The following LDLRAD3 variants were observed in gnomAD, a reference collection of about 807,000 sequenced individuals.
The protein encoded by LDLRAD3 is low-density lipoprotein receptor class A domain-containing protein 3.
A neutral mutation model predicts 29.4 loss-of-function variants in LDLRAD3; 20 were observed. The observed-to-expected ratio is 0.68, with a 90% CI of 0.48 to 0.99. The LOEUF (loss-of-function observed/expected upper bound fraction) is 0.99. Among genes scored for constraint, LDLRAD3 ranks in the 50% least tolerant of loss-of-function variants. The pLI, the probability that LDLRAD3 is intolerant of heterozygous loss-of-function variation, is 0.00. For missense variants in LDLRAD3, 420 were observed against 454.3 expected, an observed-to-expected ratio of 0.92 and a Z score of 0.69; for synonymous variants, 157 against 192.7, an observed-to-expected ratio of 0.81 and a Z score of 1.53.
chr11:36,016,482 T>C (rs1284008671), intron 1 of LDLRAD3, among the ~76,000 whole-genome samples: 2 of 150,834 alleles, frequency 1.3e-5, no homozygotes, highest in Non-Finnish European at 2.9e-5. Context: ...TTTTGTTTCT[T>C]AATGTTAAAG....
At chr11:36,043,998 G>A (rs1852415251) in intron 2 of LDLRAD3, among the ~76,000 whole-genome samples, 1 of 152,162 alleles carries the variant, frequency 6.6e-6, no homozygotes, top group African/African-American at 2.4e-5. Flanking sequence ...TTTGTATTTG[G>A]TTTTTAAATG....
chr11:36,153,696 C>T (rs1854307418), intron 4 of LDLRAD3, among the ~76,000 whole-genome samples: 1 of 152,032 alleles, frequency 6.6e-6, no homozygotes, highest in Non-Finnish European at 1.5e-5. Context: ...TCTCTTTTGG[C>T]CTTATTTTTT....
intron 2 of LDLRAD3, among the ~76,000 whole-genome samples, chr11:36,073,928 G>C (rs1008627323): frequency 6.6e-6 from 1 of 152,184 alleles, no homozygotes; most frequent in Non-Finnish European, 1.5e-5. Context: ...TTTGAACCTT[G>C]ACTTTGTTTA....
At chr11:36,093,437 T>TC (rs965012294) in intron 3 of LDLRAD3, among the ~76,000 whole-genome samples, 2 of 152,186 alleles carry the variant, frequency 1.3e-5, no homozygotes, top group African/African-American at 4.8e-5. Flanking sequence ...GTTTTTTTTT[T>TC]CTTTCTGTAT....
At chr11:36,051,561 G>C (rs143392994) in intron 2 of LDLRAD3, among the ~76,000 whole-genome samples, 4 of 152,250 alleles carry the variant, frequency 2.6e-5, no homozygotes, top group Admixed American at 1.3e-4. Context: ...ATAAATGTTT[G>C]TTGCAGTTCT....
chr11:35,963,038 A>G (rs1851297009), intron 1 of LDLRAD3, among the ~76,000 whole-genome samples: 1 of 152,228 alleles, frequency 6.6e-6, no homozygotes, highest in Admixed American at 6.5e-5. Flanking sequence ...GTAGAGTTAT[A>G]TGGTGACAGT....
chr11:36,096,449 T>C (rs536421416), intron 3 of LDLRAD3, among the ~76,000 whole-genome samples: 27 of 152,290 alleles, frequency 1.8e-4, no homozygotes, highest in African/African-American at 5.5e-4. Flanking sequence ...CACATGAATA[T>C]GGGTGCCAGC....
intron 4 of LDLRAD3, among the ~76,000 whole-genome samples, chr11:36,111,989 C>A (rs12225145): frequency 0.034 from 5,253 of 152,282 alleles, 350 homozygotes; most frequent in East Asian, 0.32. Flanking sequence ...AGATTTTGTG[C>A]CCTTTATCAT....
intron 1 of LDLRAD3, among the ~76,000 whole-genome samples, chr11:36,009,947 T>C (rs1432184486): frequency 6.6e-6 from 1 of 152,240 alleles, no homozygotes; most frequent in Non-Finnish European, 1.5e-5. Context: ...TCTTGCTTGT[T>C]GTCTTTGGGG....
rs141693350 is a variant in LDLRAD3, at chr11:35,983,664, T to G, written c.46+39520T>G. ...ATTTGTTTTTTAGACAGAGTCTTGC[T>G]CTGTCACCCAGGCTGGAGTGTAGTG... On this transcript the variant is annotated intron_variant, in intron 1 of 5. Coordinates refer to ENST00000315571, the MANE Select transcript of LDLRAD3 (RefSeq NM_174902.4). 2.7e-3 allele frequency among the ~76,000 whole-genome samples: 418 copies of G among 152,368 alleles called. 1 individual carries two copies. The highest frequency in any genetic ancestry group is 9.7e-3 in the African/African-American group (405 of 41,590).
At chr11:36,098,563 A>G (rs1853399223) in intron 4 of LDLRAD3, 102 bp downstream of exon 4, 1 of 1,369,074 alleles carries the variant, frequency 7.3e-7, no homozygotes, top group Non-Finnish European at 1.0e-6. Context: ...TTCCAAACAC[A>G]ATAGCTCTGT....
chr11:36,186,953 T>C (rs948555828), intron 4 of LDLRAD3, among the ~76,000 whole-genome samples: 1 of 152,196 alleles, frequency 6.6e-6, no homozygotes, highest in African/African-American at 2.4e-5. Flanking sequence ...CTTGCATAAA[T>C]GTGCAGGTGG....
At chr11:35,971,723 G>A (rs1209608333) in intron 1 of LDLRAD3, among the ~76,000 whole-genome samples, 1 of 152,154 alleles carries the variant, frequency 6.6e-6, no homozygotes, top group Non-Finnish European at 1.5e-5. Flanking sequence ...AAGATGAATT[G>A]AGCCTCAGGG....
At chr11:36,196,617 T>G (rs971964706) in intron 4 of LDLRAD3, 1 of 152,190 alleles carries the variant, frequency 6.6e-6, no homozygotes, top group Non-Finnish European at 1.5e-5. Flanking sequence ...ATGTTGGGTT[T>G]TACCCTGGAG....
chr11:36,224,605 G>T (rs1040596824), intron 4 of LDLRAD3, among the ~76,000 whole-genome samples: 2 of 152,102 alleles, frequency 1.3e-5, no homozygotes, highest in African/African-American at 4.8e-5. Flanking sequence ...GCCCCTATTT[G>T]CTTCTTTCTG....
intron 1 of LDLRAD3, among the ~76,000 whole-genome samples, chr11:35,985,068 C>T (rs796762300): frequency 2.6e-5 from 4 of 151,912 alleles, no homozygotes; most frequent in South Asian, 4.2e-4. Flanking sequence ...GGGAACTACT[C>T]GTGCATGCCA....
chr11:36,180,443 T>C (rs1854742616), intron 4 of LDLRAD3, among the ~76,000 whole-genome samples: 1 of 152,112 alleles, frequency 6.6e-6, no homozygotes, highest in African/African-American at 2.4e-5. Flanking sequence ...GGACGTATAG[T>C]CTAGAGGCAC....
intron 3 of LDLRAD3, among the ~76,000 whole-genome samples, chr11:36,096,106 A>G (rs1230940995): frequency 3.3e-5 from 5 of 152,200 alleles, no homozygotes; most frequent in Non-Finnish European, 7.3e-5. Flanking sequence ...TTGAGTTTAC[A>G]TCATTGGTCC....
chr11:36,125,589 G>C (rs1470863876), intron 4 of LDLRAD3, among the ~76,000 whole-genome samples: 1 of 152,170 alleles, frequency 6.6e-6, no homozygotes, highest in Non-Finnish European at 1.5e-5. Flanking sequence ...TGGTCGATGG[G>C]GTGAGTTTGT....
Sources: allele counts gnomAD v4.1 joint callset (sites outside exome capture counted in the v4.1 genomes callset), GRCh38; gene constraint gnomAD v4.1.1; transcripts MANE v1.5; gene names NCBI Gene and HGNC (gene_info 2026-07-23, HGNC 2026-07-21).